Variants in HBS1L observed in about 807,000 individuals in gnomAD.
The protein encoded by HBS1L is HBS1-like protein.
In HBS1L, 55 loss-of-function variants were observed where a neutral mutation model predicts 88.9. The ratio of observed to expected loss-of-function variants is 0.62; its 90% CI spans 0.50 to 0.77. HBS1L has a LOEUF of 0.77. HBS1L is among the 30% of genes least tolerant of loss of function. The probability of loss-of-function intolerance (pLI) is 0.00; values close to 1 mark genes in which losing one functional copy is unlikely to be tolerated. For synonymous variants in HBS1L, 267 were observed against 288.5 expected (o/e 0.93, Z 0.76); for missense variants, 741 against 829.3 (o/e 0.89, Z 1.31).
At chr6:134,997,305 C>T (rs1775316967) in intron 6 of HBS1L, 92 bp downstream of exon 6, 2 of 1,457,586 alleles carry the variant, frequency 1.4e-6, no homozygotes, top group African/African-American at 2.8e-5. Context: ...CCATTCCACC[C>T]ATGGAGAAAC....
chr6:134,987,159 A>G (rs1400935272), intron 9 of HBS1L, among the ~76,000 whole-genome samples: 1 of 152,096 alleles, frequency 6.6e-6, no homozygotes, highest in African/African-American at 2.4e-5. Context: ...AGCCATAAAA[A>G]CAATACCCTC....
chr6:135,000,189 G>A (rs1320348685), intron 5 of HBS1L, among the ~76,000 whole-genome samples: 2 of 149,444 alleles, frequency 1.3e-5, no homozygotes, highest in Non-Finnish European at 2.9e-5. Context: ...TTAAGTAGCT[G>A]GGACCACAGG....
chr6:134,968,606 C>A (rs1041739147), intron 16 of HBS1L, among the ~76,000 whole-genome samples: 8 of 152,064 alleles, frequency 5.3e-5, no homozygotes, highest in African/African-American at 1.9e-4. Context: ...TATTTACGTA[C>A]TTAGTTTCTG....
intron 4 of HBS1L, among the ~76,000 whole-genome samples, chr6:135,023,956 CT>C (rs965900034): frequency 1.5e-4 from 22 of 151,438 alleles, no homozygotes; most frequent in South Asian, 2.1e-4. Flanking sequence ...TCAATGCTCA[CT>C]TTTTTTTAAC....
Position 134,997,481 on chromosome 6 carries a change from C to T in HBS1L, c.715G>A (p.Gly239Ser). The change falls in exon 6 of 18, where the codon GGC becomes AGC. Residue 239 changes from glycine to serine, a missense_variant. By Grantham distance (56) the Gly-to-Ser change is moderately conservative. Coordinates refer to ENST00000367837, the MANE Select transcript of HBS1L (RefSeq NM_006620.4). ...ACATCTATTTGCTGCCTCAGCTTGCCAGACTTTTTCACCGGTGCTGGGGTT... is the reference window on the plus strand; with the variant it reads ...ACATCTATTTGCTGCCTCAGCTTGCTAGACTTTTTCACCGGTGCTGGGGTT... The part of the protein sequence containing the change: ...SSTPAPVKKS[G>S]KLRQQIDVKA... 1.9e-6 allele frequency: 3 copies of T among 1,614,044 alleles called. No individual in the cohort carries two copies. The highest frequency in any genetic ancestry group is 2.5e-6 in the Non-Finnish European group (3 of 1,179,982).
chr6:134,992,521 A>C (rs571474649), intron 8 of HBS1L, among the ~76,000 whole-genome samples: 1 of 152,152 alleles, frequency 6.6e-6, no homozygotes, highest in Non-Finnish European at 1.5e-5. Context: ...TGTACTTACT[A>C]TTTTTCACTT....
At chr6:135,004,991 C>A (rs368853990) in intron 4 of HBS1L, among the ~76,000 whole-genome samples, 7 of 152,146 alleles carry the variant, frequency 4.6e-5, no homozygotes, top group African/African-American at 1.7e-4. Context: ...TGAAGGAGAG[C>A]CAGGGAGGGT....
At chr6:134,975,320 G>A (rs76952158) in intron 15 of HBS1L, among the ~76,000 whole-genome samples, 215 of 152,162 alleles carry the variant, frequency 1.4e-3, no homozygotes, top group African/African-American at 4.6e-3. Context: ...TCAATATCAT[G>A]GAAGAGACCA....
chr6:135,035,031 T>C (rs977508949), intron 4 of HBS1L, among the ~76,000 whole-genome samples: 8 of 152,242 alleles, frequency 5.3e-5, no homozygotes, highest in Non-Finnish European at 1.2e-4. Context: ...CTTTAAGGGA[T>C]GAATTACATA....
intron 4 of HBS1L, among the ~76,000 whole-genome samples, chr6:135,015,576 T>C (rs1232274417): frequency 6.6e-6 from 1 of 152,098 alleles, no homozygotes; most frequent in African/African-American, 2.4e-5. Flanking sequence ...TACACACACA[T>C]ACTGATTTAT....
chr6:135,032,873 A>C (rs1216517418), intron 4 of HBS1L, among the ~76,000 whole-genome samples: 1 of 152,202 alleles, frequency 6.6e-6, no homozygotes, highest in Non-Finnish European at 1.5e-5. Flanking sequence ...GACAAGTTTA[A>C]GAAAGACAGA....
intron 4 of HBS1L, among the ~76,000 whole-genome samples, chr6:135,032,588 T>C (rs146583031): frequency 1.7e-3 from 257 of 152,290 alleles, no homozygotes; most frequent in Middle Eastern, 6.8e-3. Flanking sequence ...TACACAGTAC[T>C]TTCTCAACAT....
chr6:135,013,734 T>C (rs545105515), intron 4 of HBS1L, among the ~76,000 whole-genome samples: 1 of 152,308 alleles, frequency 6.6e-6, no homozygotes, highest in African/African-American at 2.4e-5. Context: ...TTAAAAGATA[T>C]TACAGTCAGA....
intron 4 of HBS1L, among the ~76,000 whole-genome samples, chr6:135,003,858 C>A (rs1270037117): frequency 6.6e-6 from 1 of 151,930 alleles, no homozygotes; most frequent in African/African-American, 2.4e-5. Flanking sequence ...GAGTGAGACT[C>A]CGTCTCCAAA....
intron 4 of HBS1L, chr6:135,035,894 T>C (rs1404085189): frequency 3.0e-6 from 2 of 670,492 alleles, no homozygotes; most frequent in Non-Finnish European, 3.7e-6. Context: ...TTAAAGTGTA[T>C]ACTTAGGACA....
intron 1 of HBS1L, among the ~76,000 whole-genome samples, chr6:135,052,028 G>A (rs929022657): frequency 3.9e-5 from 6 of 152,196 alleles, no homozygotes; most frequent in Non-Finnish European, 1.5e-5. Context: ...CTAGAACCGG[G>A]AGTGGGGCAG....
At chr6:134,997,748 C>A in intron 5 of HBS1L, 92 bp from the exon 6 acceptor site, 5 of 1,167,470 alleles carry the variant, frequency 4.3e-6, no homozygotes, top group Non-Finnish European at 6.3e-6. Flanking sequence ...TCTTCATAAT[C>A]CTTTATGCTC....
intron 4 of HBS1L, among the ~76,000 whole-genome samples, chr6:135,038,236 G>A (rs1417310317): frequency 6.6e-6 from 1 of 152,008 alleles, no homozygotes; most frequent in Admixed American, 6.6e-5. Flanking sequence ...CCAATTTAAA[G>A]TAACCTTTAT....
chr6:135,022,871 GATTT>G (rs1243760858), intron 4 of HBS1L, among the ~76,000 whole-genome samples: 2 of 151,026 alleles, frequency 1.3e-5, no homozygotes, highest in African/African-American at 4.9e-5. Flanking sequence ...TTAATCACAG[GATTT>G]ATTTCCAGGA....
Sources: allele counts gnomAD v4.1 joint callset (sites outside exome capture counted in the v4.1 genomes callset), GRCh38; gene constraint gnomAD v4.1.1; transcripts MANE v1.5; gene names NCBI Gene and HGNC (gene_info 2026-07-23, HGNC 2026-07-21).